Variants in ALS2CL observed in about 807,000 individuals in gnomAD.
ALS2CL encodes the protein ALS2 C-terminal like.
Under a neutral mutation model 127.9 loss-of-function variants are expected in ALS2CL, and 112 were observed. The ratio of observed to expected loss-of-function variants is 0.88; its 90% CI spans 0.75 to 1.02. The LOEUF is 1.02. ALS2CL is among the 50% of genes least tolerant of loss of function. The pLI, the probability that ALS2CL is intolerant of heterozygous loss-of-function variation, is 0.00. For synonymous variants in ALS2CL, 519 were observed against 527.6 expected, an observed-to-expected ratio of 0.98 and a Z score of 0.22; for missense variants, 1,174 against 1,236.7, an observed-to-expected ratio of 0.95 and a Z score of 0.76.
rs11711100 is a variant in ALS2CL at position 46,670,317 on chromosome 3, C to T, written c.*667G>A. ...GAGGGTTTATTGGTCAGGGCCCAGG[C>T]AGATGTCATGTGCCCCTGTTGTCCC... On this transcript the variant is annotated 3_prime_UTR_variant, in exon 26 of 26. Transcript: ENST00000318962. This position sits in a 1 kb window ranked among gnomAD's most constrained non-coding sequence, Gnocchi z 5.5. The T allele has an allele frequency of 0.35, 53,235 of 152,306 alleles. 10,607 individuals are homozygous for T. Among genetic ancestry groups the T allele is most frequent in the Non-Finnish European group, 0.45 (30,958 of 68,136 alleles). The allele number at this position is 152,306 out of a possible 1,614,324, so 9.4% of individuals were successfully genotyped here.
intron 8 of ALS2CL, 39 bp downstream of exon 8, chr3:46,683,950 G>A (rs1172647850): frequency 6.2e-7 from 1 of 1,611,960 alleles, no homozygotes; most frequent in Non-Finnish European, 8.5e-7. Context: ...GGGGGTAAAG[G>A]GAAGAAGGCC....
intron 21 of ALS2CL, among the ~76,000 whole-genome samples, 197 bp downstream of exon 21, chr3:46,674,369 G>A (rs1698641812): frequency 6.6e-6 from 1 of 152,174 alleles, no homozygotes; most frequent in African/African-American, 2.4e-5. Flanking sequence ...GGGGGAGGCT[G>A]AGAAAGACCA....
intron 25 of ALS2CL, 43 bp downstream of exon 25, chr3:46,671,445 G>C: frequency 6.2e-7 from 1 of 1,612,874 alleles, no homozygotes; most frequent in Non-Finnish European, 8.5e-7. Context: ...CTGCCCCAGG[G>C]GCCAGGGCAT....
rs1479388916 is a variant in ALS2CL at position 46,670,944 on chromosome 3, T to C, written c.*40A>G. On this transcript the variant is annotated 3_prime_UTR_variant, in exon 26 of 26. Transcript: ENST00000318962. This position sits in a 1 kb window ranked among gnomAD's most constrained non-coding sequence, Gnocchi z 5.5. ...TGGGTAATGAGGGACAGGCTGGCAG[T>C]GCCCTGCTCAGCTCTTCAGTCTGTC... 6.3e-7 allele frequency: 1 copy of C among 1,578,456 alleles called. No individual in the cohort carries two copies. The highest frequency in any genetic ancestry group is 1.1e-5 in the South Asian group (1 of 90,346).
chr3:46,674,632 C>T lies in ALS2CL; in HGVS notation c.2363G>A (p.Ser788Asn), dbSNP rs1328293972. The T allele has an allele frequency of 6.2e-7, 1 of 1,614,036 alleles. No homozygotes were observed. Among genetic ancestry groups the T allele is most frequent in the Non-Finnish European group, 8.5e-7 (1 of 1,180,028 alleles). ...GAGGCTCAAGTTGGCAATGCCCTGG[C>T]TGTAGAAGCTGTCCTCCCGCTCATG... ...LLHEREDSFY[S>N]QGIANLSLFP... The change falls in exon 21 of 26, where the codon AGC becomes AAC. Residue 788 changes from serine (S) to asparagine (N), a missense_variant. Transcript: ENST00000318962.
At chr3:46,682,883 G>C (rs895673942) in intron 10 of ALS2CL, among the ~76,000 whole-genome samples, 3 of 152,218 alleles carry the variant, frequency 2.0e-5, no homozygotes, top group African/African-American at 7.2e-5. Flanking sequence ...GCACCTGCAG[G>C]CTGTAAGGCC....
At position 46,672,215 on chromosome 3, in the gene ALS2CL, G is replaced by C; in HGVS notation, c.2473-14C>G. On this transcript the variant is annotated splice_polypyrimidine_tract_variant and intron_variant, in intron 22 of 25. Coordinates refer to ENST00000318962, the MANE Select transcript of ALS2CL (RefSeq NM_147129.5). ...CAGGGAGTACCTCTGCATGGTGGAG[G>C]GAGTGGGCTGGATGAGGCCATGGCC... is the stretch of plus-strand genomic sequence containing the variant. 6.2e-7 allele frequency: 1 copy of C among 1,613,944 alleles called. No homozygotes were observed. The highest frequency in any genetic ancestry group is 8.5e-7 in the Non-Finnish European group (1 of 1,179,986).
intron 9 of ALS2CL, 60 bp downstream of exon 9, chr3:46,683,722 C>A: frequency 1.9e-6 from 3 of 1,584,912 alleles, no homozygotes; most frequent in Non-Finnish European, 2.6e-6. Context: ...CATACTTCTG[C>A]CCTCTTCCTA....
At position 46,681,236 on chromosome 3, in the gene ALS2CL, G is replaced by A. The variant is rs1245724335; in HGVS notation, c.1436+10C>T. 1.2e-6 allele frequency: 2 copies of A among 1,613,558 alleles called. No homozygotes were observed. The highest frequency in any genetic ancestry group is 2.7e-5 in the African/African-American group (2 of 74,902). On this transcript the variant is annotated intron_variant, in intron 13 of 25. Coordinates refer to ENST00000318962, the MANE Select transcript of ALS2CL (RefSeq NM_147129.5). The surrounding 1 kb of genome is among the most constrained non-coding windows in gnomAD (Gnocchi z 4.9). ...CTCCGTCCTGGGAGTGGTGGCTGCA[G>A]GGCGCTCACCTGTCACCATCCTCCT...
rs1384375748 is a variant in ALS2CL, at chr3:46,670,219, GT to G, written c.*764del. On this transcript the variant is annotated 3_prime_UTR_variant, in exon 26 of 26. Coordinates refer to ENST00000318962, the MANE Select transcript of ALS2CL (RefSeq NM_147129.5). This position sits in a 1 kb window ranked among gnomAD's most constrained non-coding sequence, Gnocchi z 5.5. The stretch of plus-strand genomic sequence containing the variant: ...CTCTTGGTCCCACACTAGAACCACT[GT>G]TTAAATAAAGTCCTCCCCTCCCAAA... 1 of 152,212 alleles carries G rather than the reference GT, an allele frequency of 6.6e-6. No homozygotes were observed. Among genetic ancestry groups the G allele is most frequent in the East Asian group, 1.9e-4 (1 of 5,198 alleles). 9.4% of individuals were successfully genotyped at this position (152,212 alleles called of 1,614,324 possible).
chr3:46,677,328 TCC>T, intron 16 of ALS2CL: 1 of 1,194,256 alleles, frequency 8.4e-7, no homozygotes, highest in Non-Finnish European at 1.0e-6. Context: ...GGGGTCTTGG[TCC>T]AAGAGAGACC....
rs182708078 is a variant in ALS2CL at position 46,674,251 on chromosome 3, C to G, written c.2429+315G>C. 9.8e-5 allele frequency among the ~76,000 whole-genome samples: 15 copies of G among 152,302 alleles called. No homozygotes were observed. In the East Asian group the frequency reaches 2.9e-3, roughly 29 times the overall value. On this transcript the variant is annotated intron_variant, in intron 21 of 25. Transcript: ENST00000318962. ...GAGCCAGTGAGGGACTTCAGGGGCT[C>G]TGAGGGAGCTGTTGGAAGGCAATGC...
rs1333187249 is a variant in ALS2CL, at chr3:46,674,720, A to G, written c.2275T>C (p.Leu759=). Residue 759 remains leucine (L), a synonymous_variant, in exon 21 of 26, where the codon TTG becomes CTG. Coordinates refer to ENST00000318962, the MANE Select transcript of ALS2CL (RefSeq NM_147129.5). The stretch of plus-strand genomic sequence containing the variant: ...CTGGGCAGCATGAGGGGCAGCACCA[A>G]TCCATGCACCTGGAGGTCCCTGATG... ...TETRDLQVHG[L]VLPLMLPSFY... The G allele has an allele frequency of 6.2e-7, 1 of 1,612,132 alleles. No homozygotes were observed.
In ALS2CL at chr3:46,671,512, A is replaced by C; in HGVS notation, c.2757T>G (p.Tyr919Ter). 1 of 1,614,040 alleles carries C rather than the reference A, an allele frequency of 6.2e-7. No individual in the cohort carries two copies. The highest frequency in any genetic ancestry group is 1.6e-4 in the Middle Eastern group (1 of 6,062). The change falls in exon 25 of 26, where the codon TAT (tyrosine) becomes TAG (stop). Residue 919 changes from tyrosine (Y) to a stop codon, truncating the protein, a stop_gained. Coordinates refer to ENST00000318962, the MANE Select transcript of ALS2CL (RefSeq NM_147129.5). LOFTEE classifies it high-confidence loss of function. ...MMDPNHTGGLYDFLLTALESC... is the reference protein window; with the variant it reads ...MMDPNHTGGL Reference sequence around the variant, plus strand: ...CCTCCAGGGCTGTGAGCAGGAAGTCATACAGGCCTCCTGTGTGGTTGGGGT... The same window carrying C: ...CCTCCAGGGCTGTGAGCAGGAAGTCCTACAGGCCTCCTGTGTGGTTGGGGT...
intron 10 of ALS2CL, 120 bp downstream of exon 10, chr3:46,683,010 T>C: frequency 9.3e-7 from 1 of 1,078,938 alleles, no homozygotes; most frequent in South Asian, 1.8e-5. Flanking sequence ...GAGAATTGAC[T>C]GTCCACAGAG....
intron 1 of ALS2CL, among the ~76,000 whole-genome samples, chr3:46,691,146 A>C (rs945850256): frequency 5.3e-5 from 8 of 152,148 alleles, no homozygotes. Flanking sequence ...CAGACAAGGA[A>C]AGCCCAGCCA....
Position 46,689,476 on chromosome 3 carries a change from C to T in ALS2CL, c.-25-11G>A. 1.3e-6 allele frequency: 2 copies of T among 1,545,618 alleles called. No homozygotes were observed. Among genetic ancestry groups the T allele is most frequent in the South Asian group, 2.4e-5 (2 of 83,038 alleles). Reference sequence around the variant, plus strand: ...CGGACTCAGGGCCTCCTAGGTAGGGCACAGGTTACAGCTAGATAGCACAGA... The same window carrying T: ...CGGACTCAGGGCCTCCTAGGTAGGGTACAGGTTACAGCTAGATAGCACAGA... On this transcript the variant is annotated splice_polypyrimidine_tract_variant and intron_variant, in intron 1 of 25. Transcript: ENST00000318962.
In ALS2CL at chr3:46,679,212, T is replaced by TC; in HGVS notation, c.1623dup (p.Lys542GlufsTer94). On this transcript the variant is annotated frameshift_variant, in exon 15 of 26. Transcript: ENST00000318962. LOFTEE classifies it high-confidence loss of function. ...AGGGGGGCCTCAGTGGTCCTCACCTTCCCCATGAGGGTCAGGTCCCTGGTG... is the reference window on the plus strand; with the variant it reads ...AGGGGGGCCTCAGTGGTCCTCACCTTCCCCCATGAGGGTCAGGTCCCTGGTG... 6.4e-7 allele frequency: 1 copy of TC among 1,562,944 alleles called. No individual in the cohort carries two copies. The highest frequency in any genetic ancestry group is 8.7e-7 in the Non-Finnish European group (1 of 1,152,902).
At chr3:46,690,874 G>T (rs1386346319) in intron 1 of ALS2CL, among the ~76,000 whole-genome samples, 1 of 152,230 alleles carries the variant, frequency 6.6e-6, no homozygotes, top group Non-Finnish European at 1.5e-5. Context: ...CCCTGGCAGA[G>T]CCTACAACTC....
Sources: allele counts gnomAD v4.1 joint callset (sites outside exome capture counted in the v4.1 genomes callset), GRCh38; gene constraint gnomAD v4.1.1; non-coding constraint Gnocchi (gnomAD v3.1); transcripts MANE v1.5; gene names NCBI Gene and HGNC (gene_info 2026-07-23, HGNC 2026-07-21).